Variants in ERAP1 observed in about 807,000 individuals in gnomAD.
The protein encoded by ERAP1 is adipocyte-derived leucine aminopeptidase.
In ERAP1, 86 loss-of-function variants were observed where a neutral mutation model predicts 103.7. That is an observed-to-expected ratio of 0.83 (90% CI 0.70 to 0.99). The LOEUF is 0.99. ERAP1 is among the 50% of genes least tolerant of loss of function. The pLI, the probability that ERAP1 is intolerant of heterozygous loss-of-function variation, is 0.00. For synonymous variants in ERAP1, 398 were observed against 402.4 expected (o/e 0.99, Z 0.13); for missense variants, 1,009 against 1,128.4 (o/e 0.89, Z 1.52).
the ERAP1 span, among the ~76,000 whole-genome samples, chr5:96,916,307 T>C: frequency 6.6e-6 from 1 of 151,994 alleles, no homozygotes; most frequent in South Asian, 2.1e-4. Context: ...CGTGTATTCA[T>C]AGCATTCAAA....
At position 96,795,140 on chromosome 5, in the gene ERAP1, T is replaced by C; in HGVS notation, c.821A>G (p.Asp274Gly). Residue 274 changes from aspartate (D) to glycine (G), a missense_variant, in exon 5 of 19, where the codon GAC becomes GGC. Physicochemically the swap from Asp to Gly is moderately conservative, Grantham distance 94. Coordinates refer to ENST00000443439, the MANE Select transcript of ERAP1 (RefSeq NM_001040458.3). ...TGCATAATCTGCTTGATTTATCTTG[T>C]CTGGCACAGCATAAACAGAAACCTA... ...GVKVSVYAVPDKINQADYALD... is the reference protein window; with the variant it reads ...GVKVSVYAVPGKINQADYALD... 1 of 1,613,840 alleles carries C rather than the reference T, an allele frequency of 6.2e-7. No individual in the cohort carries two copies. The highest frequency in any genetic ancestry group is 8.5e-7 in the Non-Finnish European group (1 of 1,179,962).
chr5:96,824,450 C>T, the ERAP1 span, among the ~76,000 whole-genome samples: 1 of 152,164 alleles, frequency 6.6e-6, no homozygotes, highest in African/African-American at 2.4e-5. Flanking sequence ...CAATGACTTC[C>T]CTTGACACTT....
chr5:96,822,495 G>A, the ERAP1 span, among the ~76,000 whole-genome samples: 25 of 152,184 alleles, frequency 1.6e-4, no homozygotes, highest in Non-Finnish European at 2.5e-4. Context: ...GTTATCAAAC[G>A]GAGATGCAAG....
At chr5:96,914,111 A>G in the ERAP1 span, among the ~76,000 whole-genome samples, 1 of 148,404 alleles carries the variant, frequency 6.7e-6, no homozygotes, top group Non-Finnish European at 1.5e-5. Flanking sequence ...TGGAATGTAT[A>G]AGACAGCATT....
chr5:96,897,537 G>A, the ERAP1 span, among the ~76,000 whole-genome samples: 2 of 109,370 alleles, frequency 1.8e-5, no homozygotes, highest in African/African-American at 3.5e-5. Context: ...CAAAAATTGT[G>A]TCTATTCTTT....
At chr5:96,770,744 G>A (rs2150793822), downstream of ERAP1, 2 of 582,404 alleles carry the variant, frequency 3.4e-6, no homozygotes, top group Middle Eastern at 3.3e-4. Context: ...GCATCGCTTG[G>A]TAAAGTAATT....
At chr5:96,929,286 CA>C in the ERAP1 span, among the ~76,000 whole-genome samples, 2 of 152,208 alleles carry the variant, frequency 1.3e-5, no homozygotes. Flanking sequence ...TTATGCCCCT[CA>C]GCAGAATTCT....
In ERAP1 at chr5:96,800,886, G is replaced by T; in HGVS notation, c.639C>A (p.His213Gln). 1 of 1,614,166 alleles carries T rather than the reference G, an allele frequency of 6.2e-7. No homozygotes were observed. The highest frequency in any genetic ancestry group is 1.1e-5 in the South Asian group (1 of 91,088). ...CCAATGGCATATTGGAGATGGCTAG[G>T]TGCCTTGGCTCTCTTCTAATTTTGA... ...FSIKIRREPR[H>Q]LAISNMPLVK... The change falls in exon 3 of 19, where the codon CAC becomes CAA. Residue 213 changes from histidine (H) to glutamine (Q), a missense_variant. By Grantham distance (24) the His-to-Gln change is conservative. Transcript: ENST00000443439.
the ERAP1 span, chr5:96,879,729 T>C: frequency 6.8e-5 from 109 of 1,614,184 alleles, no homozygotes; most frequent in Admixed American, 1.8e-3. Context: ...AGAAAACCAA[T>C]GTTTAACATT....
At chr5:96,929,469 T>C in the ERAP1 span, among the ~76,000 whole-genome samples, 2 of 59,786 alleles carry the variant, frequency 3.3e-5, no homozygotes, top group Non-Finnish European at 8.8e-5. Flanking sequence ...CCTTCCTTCC[T>C]TTTTTTTCTT....
Position 96,797,193 on chromosome 5 carries a change from T to G in ERAP1, c.780A>C (p.Ile260=). The change falls in exon 4 of 19, where the codon ATA becomes ATC. Residue 260 remains isoleucine, a synonymous_variant. Coordinates refer to ENST00000443439, the MANE Select transcript of ERAP1 (RefSeq NM_001040458.3). ...IISDFESVSK[I]TKSGVKVSVY... is the part of the protein sequence containing the mutation. ...GGCTCACCTTGACTCCACTCTTGGT[T>G]ATCTTGCTGACAGACTCAAAATCTG... 6.2e-7 allele frequency: 1 copy of G among 1,614,170 alleles called. No homozygotes were observed. Among genetic ancestry groups the G allele is most frequent in the East Asian group, 2.2e-5 (1 of 44,884 alleles).
At chr5:96,833,577 G>A in the ERAP1 span, among the ~76,000 whole-genome samples, 2 of 152,168 alleles carry the variant, frequency 1.3e-5, no homozygotes, top group Admixed American at 6.5e-5. Context: ...ATTTTAGGGA[G>A]TGGGAAGACA....
At chr5:96,896,453 G>A in the ERAP1 span, 28 of 1,613,334 alleles carry the variant, frequency 1.7e-5, no homozygotes, top group Admixed American at 3.3e-5. Flanking sequence ...CCAAACCAGC[G>A]GAAACCCCGA....
At chr5:96,828,069 A>G in the ERAP1 span, among the ~76,000 whole-genome samples, 1 of 152,212 alleles carries the variant, frequency 6.6e-6, no homozygotes, top group Non-Finnish European at 1.5e-5. Context: ...ATTATTTCAA[A>G]TTTTAGCCTG....
downstream of ERAP1, chr5:96,772,334 T>TA (rs1326524784): frequency 6.5e-6 from 1 of 153,372 alleles, no homozygotes; most frequent in East Asian, 1.9e-4. Flanking sequence ...ATGTAAGCCT[T>TA]AAAAGCATAC....
At chr5:96,781,984 AACT>A in intron 15 of ERAP1, 130 bp from the exon 16 acceptor site, 1 of 905,752 alleles carries the variant, frequency 1.1e-6, no homozygotes, top group East Asian at 2.6e-5. Context: ...TATAAACAAA[AACT>A]ACTGATTTCC....
the ERAP1 span, among the ~76,000 whole-genome samples, chr5:96,852,040 C>T: frequency 2.6e-5 from 4 of 152,264 alleles, no homozygotes; most frequent in South Asian, 2.1e-4. Context: ...CAAATAGCCC[C>T]CAACCCCAAA....
At chr5:96,843,270 A>G in the ERAP1 span, among the ~76,000 whole-genome samples, 2 of 152,188 alleles carry the variant, frequency 1.3e-5, no homozygotes, top group African/African-American at 2.4e-5. Flanking sequence ...TGTACACCCT[A>G]AGTAAATGAA....
chr5:96,886,817 A>G, the ERAP1 span: 1 of 1,379,334 alleles, frequency 7.2e-7, no homozygotes, highest in Admixed American at 2.5e-5. Context: ...CGTTCTACGC[A>G]GTGCAGAAAA....
Sources: gnomAD v4.1 joint callset for allele counts (sites outside exome capture counted in the v4.1 genomes callset) on GRCh38, gnomAD v4.1.1 for gene constraint, MANE v1.5 for transcripts, NCBI Gene and HGNC (gene_info 2026-07-23, HGNC 2026-07-21) for gene names.